Variants in SLC2A2 observed in about 807,000 individuals in gnomAD.
The protein encoded by SLC2A2 is solute carrier family 2, facilitated glucose transporter member 2.
Under a neutral mutation model 54.5 loss-of-function variants are expected in SLC2A2, and 36 were observed. That is an observed-to-expected ratio of 0.66 (90% confidence interval 0.51 to 0.87). The LOEUF is 0.87. Among genes scored for constraint, SLC2A2 ranks in the 40% least tolerant of loss-of-function variants. The pLI is 0.00. For missense variants in SLC2A2, 543 were observed against 624.3 expected (o/e 0.87, Z 1.39); for synonymous variants, 223 against 219.1 (o/e 1.02, Z -0.16).
chr3:170,999,071 C>T lies in SLC2A2; in HGVS notation c.1164G>A (p.Val388=), dbSNP rs140794946. Residue 388 remains valine (V), a synonymous_variant, in exon 9 of 11, where the codon GTG becomes GTA. Coordinates refer to ENST00000314251, the MANE Select transcript of SLC2A2 (RefSeq NM_000340.2). ...VCAIFMSVGL[V]LLNKFSWMSY... ...GTGCAGGCACCAAACTTACCAGCAG[C>T]ACAAGTCCCACTGACATGAAGATGG... is the stretch of plus-strand genomic sequence containing the variant. The T allele has an allele frequency of 1.5e-4, 242 of 1,608,594 alleles. No homozygotes were observed. The African/African-American group carries it at 2.0e-3, about 13-fold the overall frequency.
At position 170,996,448 on chromosome 3, in the gene SLC2A2, CTT is replaced by C. The variant is rs1715078426; in HGVS notation, c.*1453_*1454del. 1 of 393,874 alleles carries C rather than the reference CTT, an allele frequency of 2.5e-6. No individual in the cohort carries two copies. The highest frequency in any genetic ancestry group is 1.4e-4 in the South Asian group (1 of 7,000). 24.4% of individuals were successfully genotyped at this position (393,874 alleles called of 1,614,324 possible). ...TTCAGTGGTTTTTAATTATTTCACT[CTT>C]AAAGAGTACTTTTTAAAAAGTGCTT... On this transcript the variant is annotated 3_prime_UTR_variant, in exon 11 of 11. Coordinates refer to ENST00000314251, the MANE Select transcript of SLC2A2 (RefSeq NM_000340.2).
intron 7 of SLC2A2, 36 bp downstream of exon 7, chr3:171,005,249 G>C (rs1276741129): frequency 1.9e-6 from 3 of 1,573,956 alleles, no homozygotes; most frequent in South Asian, 1.1e-5. Flanking sequence ...TTAATTCACT[G>C]TGCTCTTAAG....
At chr3:171,019,658 A>G (rs1451921374) in intron 1 of SLC2A2, among the ~76,000 whole-genome samples, 1 of 152,248 alleles carries the variant, frequency 6.6e-6, no homozygotes, top group Non-Finnish European at 1.5e-5. Context: ...CAGATACATC[A>G]TAATACATAC....
chr3:171,015,325 C>T lies in SLC2A2; in HGVS notation c.109-594G>A, dbSNP rs1488883882. Among the ~76,000 whole-genome samples, 4 of 152,030 alleles carry T rather than the reference C, an allele frequency of 2.6e-5. No homozygotes were observed. The South Asian group carries it at 6.3e-4, about 24-fold the overall frequency. On this transcript the variant is annotated intron_variant, in intron 2 of 10. Transcript: ENST00000314251. ...CTCTACGAAGAATACTAAAAATTAC[C>T]CAGGCATGGTGGCACATGCCTGTAG...
At chr3:171,018,686 C>G (rs1716273728) in intron 1 of SLC2A2, 63 bp from the exon 2 acceptor site, 2 of 1,121,806 alleles carry the variant, frequency 1.8e-6, no homozygotes, top group Non-Finnish European at 2.7e-6. Context: ...ATCTTTCTGT[C>G]AGGCTGCAGC....
Position 171,018,545 on chromosome 3 carries a change from T to G in SLC2A2, c.94A>C (p.Asn32His). 6.2e-7 allele frequency: 1 copy of G among 1,612,370 alleles called. No homozygotes were observed. Among genetic ancestry groups the G allele is most frequent in the South Asian group, 1.1e-5 (1 of 91,038 alleles). ...ATTTCACTTGCCTGTTGAGGTGCAT[T>G]GATCACACCAATGTCATATCCAAAC... ...FQFGYDIGVI[N>H]APQQVIISHY... is the part of the protein sequence containing the mutation. The change falls in exon 2 of 11, where the codon AAT becomes CAT. Residue 32 changes from asparagine (N) to histidine (H), a missense_variant. Asn to His is a moderately conservative substitution (Grantham distance 68). Coordinates refer to ENST00000314251, the MANE Select transcript of SLC2A2 (RefSeq NM_000340.2).
At chr3:170,998,528 A>G (rs376696882) in intron 9 of SLC2A2, 132 bp from the exon 10 acceptor site, 1 of 707,388 alleles carries the variant, frequency 1.4e-6, no homozygotes. Flanking sequence ...AGTATAAGTT[A>G]TTCTATTCTG....
At chr3:171,017,223 G>A (rs943050970) in intron 2 of SLC2A2, among the ~76,000 whole-genome samples, 1 of 152,244 alleles carries the variant, frequency 6.6e-6, no homozygotes, top group East Asian at 1.9e-4. Flanking sequence ...TCAAGTCATG[G>A]TGATGTTGAA....
chr3:170,999,274 A>G (rs1336867324), intron 8 of SLC2A2, 108 bp from the exon 9 acceptor site: 1 of 758,202 alleles, frequency 1.3e-6, no homozygotes. Context: ...TATATAACAG[A>G]TAAGAGGCAA....
In SLC2A2 at chr3:171,010,076, T is replaced by G; in HGVS notation, c.378A>C (p.Lys126Asn). The change falls in exon 4 of 11, where the codon AAA becomes AAC. Residue 126 changes from lysine to asparagine, a missense_variant. Coordinates refer to ENST00000314251, the MANE Select transcript of SLC2A2 (RefSeq NM_000340.2). ...GWLGDTLGRI[K>N]AMLVANILSL... ...ACAGAATGTTTGCTACTAACATGGCTTTGATTCTGAAATTTTAAAAAGCAA... is the reference window on the plus strand; with the variant it reads ...ACAGAATGTTTGCTACTAACATGGCGTTGATTCTGAAATTTTAAAAAGCAA... 3.1e-6 allele frequency: 5 copies of G among 1,612,642 alleles called. No individual in the cohort carries two copies. The highest frequency in any genetic ancestry group is 4.2e-6 in the Non-Finnish European group (5 of 1,179,058).
At position 170,996,859 on chromosome 3, in the gene SLC2A2, A is replaced by G. The variant is rs575624852; in HGVS notation, c.*1044T>C. The G allele has an allele frequency of 2.6e-6, 1 of 388,788 alleles. No homozygotes were observed. 24.1% of individuals were successfully genotyped at this position (388,788 alleles called of 1,614,324 possible). A position where few individuals can be genotyped will look rare whatever the true frequency, so the allele number is the denominator to read the frequency against. On this transcript the variant is annotated 3_prime_UTR_variant, in exon 11 of 11. Transcript: ENST00000314251. ...GGATTTTGATAAAAGTCTGAAGCTG[A>G]ACATTTATGAAGTTTCAGAAGCCCA...
At chr3:171,008,779 C>T (rs1474863539) in intron 4 of SLC2A2, among the ~76,000 whole-genome samples, 7 of 152,040 alleles carry the variant, frequency 4.6e-5, no homozygotes, top group Non-Finnish European at 1.0e-4. Flanking sequence ...CATGCAGAGA[C>T]AGTGCCAGAA....
chr3:171,026,326 T>G (rs1716693029), intron 1 of SLC2A2, among the ~76,000 whole-genome samples: 1 of 151,540 alleles, frequency 6.6e-6, no homozygotes, highest in African/African-American at 2.4e-5. Context: ...TTTTGAAGAT[T>G]CCCGATGAGT....
At chr3:171,013,159 T>G (rs918163779) in intron 3 of SLC2A2, among the ~76,000 whole-genome samples, 1 of 152,162 alleles carries the variant, frequency 6.6e-6, no homozygotes, top group Non-Finnish European at 1.5e-5. Context: ...CTTAAAAATT[T>G]TTTTTAAAAT....
chr3:171,025,250 A>C (rs1057481424), intron 1 of SLC2A2, among the ~76,000 whole-genome samples: 3 of 151,314 alleles, frequency 2.0e-5, no homozygotes, highest in Non-Finnish European at 4.4e-5. Flanking sequence ...TTTTATATTT[A>C]ACTTTAAATA....
Position 171,007,175 on chromosome 3 carries a change from G to C in SLC2A2, c.585C>G (p.Ala195=). The C allele has an allele frequency of 6.2e-7, 1 of 1,611,850 alleles. No individual in the cohort carries two copies. The highest frequency in any genetic ancestry group is 8.5e-7 in the Non-Finnish European group (1 of 1,178,350). Residue 195 remains alanine, a synonymous_variant, in exon 5 of 11, where the codon GCC becomes GCG. Coordinates refer to ENST00000314251, the MANE Select transcript of SLC2A2 (RefSeq NM_000340.2). ...RGALGTFHQL[A]IVTGILISQI... is the part of the protein sequence containing the mutation. ...GACTAATAAGAATGCCCGTGACGATGGCCAGCTGATGAAAAGTGCCAAGTG... is the reference window on the plus strand; with the variant it reads ...GACTAATAAGAATGCCCGTGACGATCGCCAGCTGATGAAAAGTGCCAAGTG...
intron 4 of SLC2A2, among the ~76,000 whole-genome samples, chr3:171,009,382 G>A (rs1417816764): frequency 2.0e-5 from 3 of 151,918 alleles, no homozygotes; most frequent in Admixed American, 2.0e-4. Context: ...TGCTTCACTC[G>A]GTCATGTCTA....
chr3:171,018,476 A>G, intron 2 of SLC2A2, 55 bp downstream of exon 2: 1 of 1,181,578 alleles, frequency 8.5e-7, no homozygotes, highest in Non-Finnish European at 1.3e-6. Flanking sequence ...GGAACATATG[A>G]TATCTATCAC....
chr3:171,017,933 A>T (rs778310660), intron 2 of SLC2A2, among the ~76,000 whole-genome samples: 1 of 152,220 alleles, frequency 6.6e-6, no homozygotes, highest in African/African-American at 2.4e-5. Flanking sequence ...CTTGAATATT[A>T]TTCTAAAGTT....
Sources: allele counts gnomAD v4.1 joint callset (sites outside exome capture counted in the v4.1 genomes callset), GRCh38; gene constraint gnomAD v4.1.1; transcripts MANE v1.5; gene names NCBI Gene and HGNC (gene_info 2026-07-23, HGNC 2026-07-21).